Variants in SHOC2 observed in about 807,000 individuals in gnomAD.
The protein encoded by SHOC2 is leucine-rich repeat protein SHOC-2.
SHOC2 carries 4 observed loss-of-function variants against 50.2 expected under a neutral mutation model. That is an observed-to-expected ratio of 0.08 (90% CI 0.04 to 0.18). The LOEUF (loss-of-function observed/expected upper bound fraction) is 0.18, where lower values mean the gene tolerates loss of function less well. SHOC2 is among the 10% of genes least tolerant of loss of function. The probability of loss-of-function intolerance (pLI) is 1.00; values close to 1 mark genes in which losing one functional copy is unlikely to be tolerated. For missense variants in SHOC2, 388 were observed against 669.6 expected, an observed-to-expected ratio of 0.58 and a Z score of 4.64; for synonymous variants, 218 against 244.5, an observed-to-expected ratio of 0.89 and a Z score of 1.01.
chr10:111,003,997 A>C (rs920840275), intron 4 of SHOC2, among the ~76,000 whole-genome samples: 2 of 152,208 alleles, frequency 1.3e-5, no homozygotes, highest in Admixed American at 1.3e-4. Flanking sequence ...AGATGGGGTT[A>C]TGTGCTAAGT....
intron 1 of SHOC2, among the ~76,000 whole-genome samples, chr10:110,941,854 G>A (rs538573197): frequency 1.3e-5 from 2 of 152,028 alleles, no homozygotes; most frequent in Admixed American, 6.5e-5. Flanking sequence ...AGACTTTCTT[G>A]TATGTTTTCT....
Position 110,985,678 on chromosome 10 carries a change from C to T in SHOC2, c.754C>T (p.His252Tyr). Reference protein sequence around the residue: ...TLDVAHNQLEHLPKEIGNCTQ... With the variant: ...TLDVAHNQLEYLPKEIGNCTQ... The stretch of plus-strand genomic sequence containing the variant: ...GGATGTAGCTCACAATCAACTTGAA[C>T]ACCTTCCAAAGGAGATTGGAAACTG... Residue 252 changes from histidine (H) to tyrosine (Y), a missense_variant, in exon 3 of 9, where the codon CAC (histidine) becomes TAC (tyrosine). Around this residue, in one of 5 missense-constraint regions of SHOC2, gnomAD observed 88 missense variants for 147.2 expected, o/e 0.60. Coordinates refer to ENST00000369452, the MANE Select transcript of SHOC2 (RefSeq NM_007373.4). 1 of 1,611,786 alleles carries T rather than the reference C, an allele frequency of 6.2e-7. No individual in the cohort carries two copies. The highest frequency in any genetic ancestry group is 1.1e-5 in the South Asian group (1 of 91,022).
intron 1 of SHOC2, among the ~76,000 whole-genome samples, chr10:110,949,568 C>T (rs952096933): frequency 6.6e-6 from 1 of 152,100 alleles, no homozygotes. Context: ...GGGAATACTT[C>T]CAAACTCATT....
chr10:110,933,447 T>C (rs896980027), intron 1 of SHOC2, among the ~76,000 whole-genome samples: 3 of 152,192 alleles, frequency 2.0e-5, no homozygotes, highest in African/African-American at 7.2e-5. Flanking sequence ...TAATATCATT[T>C]ATAGTAAGAA....
chr10:111,010,277 T>C (rs1564731692), intron 8 of SHOC2, among the ~76,000 whole-genome samples: 1 of 152,242 alleles, frequency 6.6e-6, no homozygotes, highest in African/African-American at 2.4e-5. Flanking sequence ...TTATTTTATG[T>C]AATATACATG....
At chr10:110,924,805 C>T in intron 1 of SHOC2, among the ~76,000 whole-genome samples, 1 of 151,944 alleles carries the variant, frequency 6.6e-6, no homozygotes, top group East Asian at 1.9e-4. Context: ...CGTGGTGGCT[C>T]ACGCCTATAA....
intron 2 of SHOC2, among the ~76,000 whole-genome samples, chr10:110,985,211 G>T (rs1036474030): frequency 6.6e-6 from 1 of 152,066 alleles, no homozygotes; most frequent in Non-Finnish European, 1.5e-5. Context: ...TGAACTCAAG[G>T]TGTATCTGAT....
rs541341249 is a variant in SHOC2 at position 110,978,417 on chromosome 10, G to A, written c.704-7211G>A. ...TTGCTGTTGAGTCACCTTGACCGTA[G>A]AGACTTAGATTTAGCTCTTGTAAGG... On this transcript the variant is annotated intron_variant, in intron 2 of 8. Coordinates refer to ENST00000369452, the MANE Select transcript of SHOC2 (RefSeq NM_007373.4). Among the ~76,000 whole-genome samples the A allele has an allele frequency of 2.3e-4, 35 of 152,308 alleles. 1 individual carries two copies. The South Asian group carries it at 7.0e-3, about 31-fold the overall frequency.
intron 1 of SHOC2, among the ~76,000 whole-genome samples, chr10:110,945,196 G>A (rs910385977): frequency 6.6e-6 from 1 of 152,148 alleles, no homozygotes; most frequent in Admixed American, 6.5e-5. Flanking sequence ...TCTCCCTGGG[G>A]AAAAGGCGTT....
At chr10:110,974,597 A>T (rs891971935) in intron 2 of SHOC2, among the ~76,000 whole-genome samples, 2 of 151,488 alleles carry the variant, frequency 1.3e-5, no homozygotes, top group African/African-American at 4.9e-5. Flanking sequence ...TTTCTTATGG[A>T]TTAAGTATTT....
At chr10:110,937,141 C>G in intron 1 of SHOC2, 1 of 1,503,674 alleles carries the variant, frequency 6.7e-7, no homozygotes, top group Non-Finnish European at 9.3e-7. Flanking sequence ...CCACCACCTT[C>G]CGGCCCAGCA....
At chr10:110,931,519 A>G (rs544436538) in intron 1 of SHOC2, among the ~76,000 whole-genome samples, 1 of 152,286 alleles carries the variant, frequency 6.6e-6, no homozygotes, top group Non-Finnish European at 1.5e-5. Flanking sequence ...AAGAATAAGA[A>G]GCCTTTACAT....
Position 110,985,968 on chromosome 10 carries a change from TGG to T in SHOC2, c.841+205_841+206del. 5.6e-6 allele frequency: 3 copies of T among 540,206 alleles called. No homozygotes were observed. In the South Asian group the frequency reaches 6.4e-5, roughly 11 times the overall value. 33.5% of individuals were successfully genotyped at this position (540,206 alleles called of 1,614,324 possible). On this transcript the variant is annotated intron_variant, in intron 3 of 8. Coordinates refer to ENST00000369452, the MANE Select transcript of SHOC2 (RefSeq NM_007373.4). The stretch of plus-strand genomic sequence containing the variant: ...AATAGGTTTTAGGAAATGAGCCCAA[TGG>T]GATTATAAAAGAGAGAGAATATTGA...
At position 111,007,581 on chromosome 10, in the gene SHOC2, G is replaced by A. The variant is rs1848494266; in HGVS notation, c.1212G>A (p.Met404Ile). 6.2e-7 allele frequency: 1 copy of A among 1,613,588 alleles called. No individual in the cohort carries two copies. The highest frequency in any genetic ancestry group is 1.1e-5 in the South Asian group (1 of 91,056). Residue 404 changes from methionine to isoleucine, a missense_variant, in exon 6 of 9, where the codon ATG becomes ATA. Physicochemically the swap from Met to Ile is conservative, Grantham distance 10. Around this residue, in one of 5 missense-constraint regions of SHOC2, gnomAD observed 130 missense variants for 208.6 expected, o/e 0.62. Transcript: ENST00000369452. Reference protein sequence around the residue: ...LPLDFGTWTSMVELNLATNQL... With the variant: ...LPLDFGTWTSIVELNLATNQL... ...TGGATTTTGGAACTTGGACCAGTAT[G>A]GTAGAATTGAATTTAGCCACTAATC...
At chr10:110,929,276 G>A (rs1330614790) in intron 1 of SHOC2, among the ~76,000 whole-genome samples, 1 of 152,124 alleles carries the variant, frequency 6.6e-6, no homozygotes, top group Non-Finnish European at 1.5e-5. Context: ...TAATATTTGA[G>A]TTGCTTCCAA....
intron 1 of SHOC2, among the ~76,000 whole-genome samples, chr10:110,935,802 C>G (rs1846995632): frequency 6.6e-6 from 1 of 151,986 alleles, no homozygotes; most frequent in Admixed American, 6.6e-5. Flanking sequence ...ATTAGCATTC[C>G]TCAGTCTATT....
At chr10:110,962,616 C>G (rs1197338451) in intron 1 of SHOC2, among the ~76,000 whole-genome samples, 1 of 152,080 alleles carries the variant, frequency 6.6e-6, no homozygotes, top group Non-Finnish European at 1.5e-5. Flanking sequence ...CATCCTCTAC[C>G]CCAGTTCCTG....
intron 6 of SHOC2, among the ~76,000 whole-genome samples, chr10:111,008,707 A>G (rs1035663521): frequency 6.6e-6 from 1 of 152,092 alleles, no homozygotes; most frequent in Non-Finnish European, 1.5e-5. Context: ...AACCTTACGT[A>G]TCTGTTTTAC....
chr10:111,004,378 C>G (rs916572608), intron 4 of SHOC2, among the ~76,000 whole-genome samples: 1 of 152,198 alleles, frequency 6.6e-6, no homozygotes, highest in Non-Finnish European at 1.5e-5. Context: ...CTGTTTCCTC[C>G]TATAAAATCT....
Sources: allele counts gnomAD v4.1 joint callset (sites outside exome capture counted in the v4.1 genomes callset), GRCh38; gene constraint gnomAD v4.1.1; regional missense constraint gnomAD v4.1.1; transcripts MANE v1.5; gene names NCBI Gene and HGNC (gene_info 2026-07-23, HGNC 2026-07-21).